Variants in PCCA observed in about 807,000 individuals in gnomAD.
PCCA encodes the protein propionyl-CoA carboxylase alpha chain, mitochondrial.
Under a neutral mutation model 101.3 loss-of-function variants are expected in PCCA, and 74 were observed. That is an observed-to-expected ratio of 0.73 (90% CI 0.61 to 0.89). PCCA has a LOEUF of 0.89. Among genes scored for constraint, PCCA ranks in the 40% least tolerant of loss-of-function variants. PCCA has a pLI of 0.00. For missense variants in PCCA, 891 were observed against 907.0 expected, an observed-to-expected ratio of 0.98 and a Z score of 0.23; for synonymous variants, 294 against 313.6, an observed-to-expected ratio of 0.94 and a Z score of 0.66.
At chr13:100,106,536 G>A (rs186859173) in intron 2 of PCCA, among the ~76,000 whole-genome samples, 4 of 152,004 alleles carry the variant, frequency 2.6e-5, no homozygotes, top group African/African-American at 9.6e-5. Context: ...TCAGCCTCCC[G>A]AGTAGCTGGG....
In PCCA at chr13:100,530,159, T is replaced by C; in HGVS notation, c.2180T>C (p.Leu727Pro). The part of the protein sequence containing the change: ...TVGEGDLLVE[L>P]E ...GGAGAAGGGGATCTGCTCGTGGAGC[T>C]GGAATGAAGGATTTATAACCTTTCA... Residue 727 changes from leucine (L) to proline (P), a missense_variant, in exon 24 of 24, where the codon CTG becomes CCG. Transcript: ENST00000376285. 6.2e-7 allele frequency: 1 copy of C among 1,612,958 alleles called. No homozygotes were observed. The highest frequency in any genetic ancestry group is 1.1e-5 in the South Asian group (1 of 91,050).
chr13:100,369,709 A>G (rs575805599), intron 19 of PCCA, among the ~76,000 whole-genome samples: 9 of 152,334 alleles, frequency 5.9e-5, no homozygotes, highest in African/African-American at 2.2e-4. Flanking sequence ...CAGCTCTCTT[A>G]AAATGAAAGC....
intron 20 of PCCA, among the ~76,000 whole-genome samples, chr13:100,426,598 C>A (rs934911055): frequency 2.6e-5 from 4 of 152,080 alleles, no homozygotes; most frequent in Non-Finnish European, 5.9e-5. Flanking sequence ...ACATCAGAAT[C>A]CACAAAAACT....
chr13:100,171,249 T>C (rs1489960890), intron 6 of PCCA, among the ~76,000 whole-genome samples: 2 of 152,250 alleles, frequency 1.3e-5, no homozygotes, highest in African/African-American at 4.8e-5. Flanking sequence ...TTTTTAAAAA[T>C]TTCTTAATTT....
intron 19 of PCCA, among the ~76,000 whole-genome samples, chr13:100,417,221 T>TA (rs1196351078): frequency 6.6e-6 from 1 of 152,152 alleles, no homozygotes; most frequent in Admixed American, 6.5e-5. Context: ...TTTCAGAAAA[T>TA]AGAGTACACT....
intron 18 of PCCA, among the ~76,000 whole-genome samples, chr13:100,342,158 A>G (rs952025202): frequency 3.3e-5 from 5 of 151,760 alleles, no homozygotes; most frequent in Non-Finnish European, 5.9e-5. Context: ...TAAAAAATCT[A>G]TCTTCCTTGT....
At chr13:100,214,752 A>G (rs2059420751) in intron 7 of PCCA, among the ~76,000 whole-genome samples, 1 of 151,498 alleles carries the variant, frequency 6.6e-6, no homozygotes, top group Admixed American at 6.6e-5. Flanking sequence ...GAGACCTTTC[A>G]CTTCTTTGGT....
At chr13:100,518,817 T>C (rs1341823871) in intron 22 of PCCA, among the ~76,000 whole-genome samples, 1 of 152,216 alleles carries the variant, frequency 6.6e-6, no homozygotes, top group East Asian at 1.9e-4. Context: ...CGTAACACTA[T>C]TGTAAACTGG....
chr13:100,210,484 G>T (rs893244212), intron 7 of PCCA, among the ~76,000 whole-genome samples: 1 of 152,138 alleles, frequency 6.6e-6, no homozygotes, highest in African/African-American at 2.4e-5. Flanking sequence ...TTTATCTTGA[G>T]CTTCTCTCCA....
chr13:100,139,338 A>AT (rs538217352), intron 4 of PCCA, among the ~76,000 whole-genome samples: 1 of 151,130 alleles, frequency 6.6e-6, no homozygotes, highest in Non-Finnish European at 1.5e-5. Context: ...TGCTGAGAAC[A>AT]TTTTTTTTCT....
At chr13:100,152,604 G>A (rs1334889560) in intron 4 of PCCA, among the ~76,000 whole-genome samples, 2 of 151,904 alleles carry the variant, frequency 1.3e-5, no homozygotes, top group Non-Finnish European at 2.9e-5. Context: ...CCGCCACCAC[G>A]CCTGGCTAAT....
At chr13:100,219,208 AT>A (rs2059681953) in intron 7 of PCCA, among the ~76,000 whole-genome samples, 1 of 152,172 alleles carries the variant, frequency 6.6e-6, no homozygotes, top group African/African-American at 2.4e-5. Context: ...TGGATGTGTC[AT>A]TATGAACCTT....
chr13:100,483,404 C>T (rs187416417), intron 21 of PCCA, among the ~76,000 whole-genome samples: 6 of 152,300 alleles, frequency 3.9e-5, no homozygotes, highest in Admixed American at 6.5e-5. Context: ...CACACTTAGC[C>T]GGAGACACCT....
intron 21 of PCCA, among the ~76,000 whole-genome samples, chr13:100,499,896 A>G (rs1236244859): frequency 1.4e-5 from 2 of 143,782 alleles, no homozygotes; most frequent in Admixed American, 7.5e-5. Context: ...AGGTGCTAGC[A>G]TTTTATTGGC....
At chr13:100,477,177 G>A (rs755837780) in intron 21 of PCCA, among the ~76,000 whole-genome samples, 1 of 152,212 alleles carries the variant, frequency 6.6e-6, no homozygotes, top group Non-Finnish European at 1.5e-5. Flanking sequence ...TCTGTAAAAT[G>A]AGAGTGATTG....
intron 12 of PCCA, among the ~76,000 whole-genome samples, chr13:100,275,766 A>G (rs552832372): frequency 1.1e-4 from 16 of 151,774 alleles, no homozygotes; most frequent in Non-Finnish European, 2.2e-4. Flanking sequence ...ATCTTTTGGT[A>G]GAACCTCTAC....
intron 11 of PCCA, among the ~76,000 whole-genome samples, chr13:100,269,308 T>TA (rs1269883171): frequency 6.6e-6 from 1 of 152,216 alleles, no homozygotes; most frequent in Non-Finnish European, 1.5e-5. Context: ...AGTGGGTTTT[T>TA]ATTAGAGGAG....
At chr13:100,460,026 A>G (rs1430874285) in intron 21 of PCCA, among the ~76,000 whole-genome samples, 1 of 152,266 alleles carries the variant, frequency 6.6e-6, no homozygotes, top group East Asian at 1.9e-4. Context: ...AGGGTTAGGC[A>G]TTCAGCATAT....
At chr13:100,142,262 G>C (rs1420735832) in intron 4 of PCCA, among the ~76,000 whole-genome samples, 2 of 152,130 alleles carry the variant, frequency 1.3e-5, no homozygotes, top group Non-Finnish European at 2.9e-5. Context: ...TCCTAAGCCA[G>C]CCAGATGTTT....
Sources: allele counts gnomAD v4.1 joint callset (sites outside exome capture counted in the v4.1 genomes callset), GRCh38; gene constraint gnomAD v4.1.1; transcripts MANE v1.5; gene names NCBI Gene and HGNC (gene_info 2026-07-23, HGNC 2026-07-21).